The following SYNPR variants were observed in gnomAD, a reference collection of about 807,000 sequenced individuals.
The protein encoded by SYNPR is synaptoporin.
SYNPR carries 23 observed loss-of-function variants against 32.9 expected under a neutral mutation model. That is an observed-to-expected ratio of 0.70 (90% confidence interval 0.50 to 0.99). The LOEUF (loss-of-function observed/expected upper bound fraction) is 0.99, where lower values mean the gene tolerates loss of function less well. Among genes scored for constraint, SYNPR ranks in the 50% least tolerant of loss-of-function variants. SYNPR has a pLI of 0.00. For missense variants in SYNPR, 318 were observed against 349.3 expected (o/e 0.91, Z 0.71); for synonymous variants, 146 against 135.9 (o/e 1.07, Z -0.52).
At chr3:63,403,099 T>C (rs1198119480) in intron 2 of SYNPR, among the ~76,000 whole-genome samples, 1 of 152,158 alleles carries the variant, frequency 6.6e-6, no homozygotes, top group Non-Finnish European at 1.5e-5. Flanking sequence ...AGTAACATAA[T>C]TATATATCCA....
At chr3:63,266,964 CA>C (rs373489208) in intron 2 of SYNPR, among the ~76,000 whole-genome samples, 14 of 152,110 alleles carry the variant, frequency 9.2e-5, no homozygotes, top group African/African-American at 3.4e-4. Flanking sequence ...CCAATACAGT[CA>C]AAAAATGCAA....
At chr3:63,343,159 A>G (rs1353979614) in intron 2 of SYNPR, among the ~76,000 whole-genome samples, 2 of 152,188 alleles carry the variant, frequency 1.3e-5, no homozygotes, top group Non-Finnish European at 2.9e-5. Flanking sequence ...GAGTGGAAAG[A>G]GCAACAAGGA....
chr3:63,384,066 G>A (rs962806133), intron 2 of SYNPR, among the ~76,000 whole-genome samples: 1 of 152,178 alleles, frequency 6.6e-6, no homozygotes, highest in African/African-American at 2.4e-5. Context: ...GAAGCAAAAT[G>A]TCTTCTTCAA....
chr3:63,228,103 GA>G (rs1223999250), upstream of SYNPR, among the ~76,000 whole-genome samples: 1 of 152,176 alleles, frequency 6.6e-6, no homozygotes, highest in Admixed American at 6.6e-5. Flanking sequence ...GGATTATACA[GA>G]AAAAGAAGGG....
intron 2 of SYNPR, among the ~76,000 whole-genome samples, chr3:63,315,267 T>A (rs2087028404): frequency 6.6e-6 from 1 of 152,116 alleles, no homozygotes; most frequent in African/African-American, 2.4e-5. Flanking sequence ...TCTAATTCTG[T>A]GAAGAATGAT....
the SYNPR span, among the ~76,000 whole-genome samples, chr3:63,209,335 G>T: frequency 7.9e-6 from 1 of 126,762 alleles, no homozygotes; most frequent in African/African-American, 2.8e-5. Context: ...AAAAAAAAAG[G>T]TTGGGAAACA....
At chr3:63,449,527 G>A (rs1228542978) in intron 2 of SYNPR, among the ~76,000 whole-genome samples, 1 of 152,088 alleles carries the variant, frequency 6.6e-6, no homozygotes, top group Non-Finnish European at 1.5e-5. Flanking sequence ...CCAACCCCCA[G>A]GTTGTGACAA....
intron 2 of SYNPR, among the ~76,000 whole-genome samples, chr3:63,417,938 A>T (rs2088563338): frequency 6.6e-6 from 1 of 151,994 alleles, no homozygotes; most frequent in Non-Finnish European, 1.5e-5. Context: ...CTCTGGAGAC[A>T]TTTTCTACAC....
chr3:63,525,541 G>A (rs1701996594), intron 3 of SYNPR, among the ~76,000 whole-genome samples: 1 of 152,172 alleles, frequency 6.6e-6, no homozygotes, highest in South Asian at 2.1e-4. Flanking sequence ...CAGGTGAGTA[G>A]CAGGGTCACA....
intron 3 of SYNPR, among the ~76,000 whole-genome samples, chr3:63,488,211 G>A (rs141755267): frequency 5.8e-4 from 88 of 152,294 alleles, no homozygotes; most frequent in African/African-American, 1.7e-3. Flanking sequence ...TATATCTTGT[G>A]TTCAGGAAAT....
rs191706223 is a variant in SYNPR at position 63,571,238 on chromosome 3, G to T, written c.408+14497G>T. 1.9e-3 allele frequency among the ~76,000 whole-genome samples: 286 copies of T among 152,214 alleles called. 1 individual carries two copies. The highest frequency in any genetic ancestry group is 1.4e-3 in the Non-Finnish European group (94 of 68,002). On this transcript the variant is annotated intron_variant, in intron 4 of 5. Coordinates refer to ENST00000478300, the MANE Select transcript of SYNPR (RefSeq NM_001130003.2). ...CATGGGATCTTAAAGTTTTACTGTT[G>T]TGCACTTTGTTCTCATTAATCATTT...
chr3:63,428,100 C>G (rs539549046), intron 2 of SYNPR, among the ~76,000 whole-genome samples: 1 of 152,116 alleles, frequency 6.6e-6, no homozygotes, highest in Non-Finnish European at 1.5e-5. Flanking sequence ...TGAATTGCAG[C>G]GTTGTTTACA....
At chr3:63,258,794 T>G (rs893025352) in intron 2 of SYNPR, among the ~76,000 whole-genome samples, 6 of 152,144 alleles carry the variant, frequency 3.9e-5, no homozygotes, top group African/African-American at 1.4e-4. Context: ...GCTGGTTTTT[T>G]GAAAAGATCA....
chr3:63,516,101 T>C (rs1296001956), intron 3 of SYNPR, among the ~76,000 whole-genome samples: 1 of 152,136 alleles, frequency 6.6e-6, no homozygotes, highest in Non-Finnish European at 1.5e-5. Flanking sequence ...GTTTTACTGG[T>C]TCAAAGTATA....
chr3:63,421,722 A>G (rs898439243), intron 2 of SYNPR, among the ~76,000 whole-genome samples: 1 of 152,034 alleles, frequency 6.6e-6, no homozygotes, highest in African/African-American at 2.4e-5. Flanking sequence ...CTGCAATCTC[A>G]TCTGAGGCTT....
At chr3:63,337,111 A>C (rs1314376474) in intron 2 of SYNPR, among the ~76,000 whole-genome samples, 1 of 151,828 alleles carries the variant, frequency 6.6e-6, no homozygotes, top group African/African-American at 2.4e-5. Flanking sequence ...ACATACTTGT[A>C]ATCCCAGCTA....
At chr3:63,600,731 AG>A (rs1427197302) in intron 4 of SYNPR, among the ~76,000 whole-genome samples, 2 of 152,120 alleles carry the variant, frequency 1.3e-5, no homozygotes, top group Non-Finnish European at 2.9e-5. Flanking sequence ...CTTGTGAAGA[AG>A]ATGCCTTGCT....
chr3:63,251,278 A>T (rs1327990200), intron 1 of SYNPR, among the ~76,000 whole-genome samples: 1 of 152,152 alleles, frequency 6.6e-6, no homozygotes, highest in African/African-American at 2.4e-5. Context: ...CCTGCCACGA[A>T]AAAGTCTCTA....
intron 5 of SYNPR, among the ~76,000 whole-genome samples, chr3:63,610,909 A>C (rs1340005603): frequency 6.6e-6 from 1 of 152,212 alleles, no homozygotes; most frequent in Non-Finnish European, 1.5e-5. Flanking sequence ...CTAAAACCAA[A>C]ATAAAGAATG....
Sources: gnomAD v4.1 joint callset for allele counts (sites outside exome capture counted in the v4.1 genomes callset) on GRCh38, gnomAD v4.1.1 for gene constraint, MANE v1.5 for transcripts, NCBI Gene and HGNC (gene_info 2026-07-23, HGNC 2026-07-21) for gene names.